The following RELN variants were observed in gnomAD, a reference collection of about 807,000 sequenced individuals.
The protein encoded by RELN is reelin.
RELN carries 108 observed loss-of-function variants against 427.6 expected under a neutral mutation model. The ratio of observed to expected loss-of-function variants is 0.25; its 90% CI spans 0.22 to 0.30. The LOEUF (loss-of-function observed/expected upper bound fraction) is 0.30. Among genes scored for constraint, RELN ranks in the 10% least tolerant of loss-of-function variants. RELN has a pLI of 1.00. For missense variants in RELN, 3,715 were observed against 4,302.8 expected (o/e 0.86, Z 3.82); for synonymous variants, 1,524 against 1,513.4 (o/e 1.01, Z -0.16).
chr7:103,647,549 CTG>C (rs1832822730), intron 16 of RELN, among the ~76,000 whole-genome samples: 2 of 135,766 alleles, frequency 1.5e-5, no homozygotes, highest in South Asian at 2.4e-4. Flanking sequence ...AAAAAAAAAA[CTG>C]TAGGACAAAA....
chr7:103,939,020 C>A (rs180960287), intron 1 of RELN, among the ~76,000 whole-genome samples: 27 of 151,860 alleles, frequency 1.8e-4, no homozygotes, highest in Non-Finnish European at 4.0e-4. Context: ...AGTCTCGGCT[C>A]AATGCAACCT....
chr7:103,864,447 G>A (rs564569825), intron 2 of RELN, among the ~76,000 whole-genome samples: 107 of 152,146 alleles, frequency 7.0e-4, no homozygotes, highest in African/African-American at 2.3e-3. Context: ...AACAGCAACC[G>A]TTTCCCCCTC....
chr7:103,505,843 A>G (rs1829191380), intron 51 of RELN, among the ~76,000 whole-genome samples: 1 of 152,222 alleles, frequency 6.6e-6, no homozygotes, highest in South Asian at 2.1e-4. Context: ...AGAACCTTGA[A>G]AAAAGGTTAG....
At position 103,603,277 on chromosome 7, in the gene RELN, A is replaced by ATG. The variant is rs764970336; in HGVS notation, c.3333+25_3333+26dup. The ATG allele has an allele frequency of 6.3e-7, 1 of 1,589,572 alleles. No homozygotes were observed. Among genetic ancestry groups the ATG allele is most frequent in the Non-Finnish European group, 8.6e-7 (1 of 1,157,726 alleles). On this transcript the variant is annotated intron_variant, in intron 24 of 64. Coordinates refer to ENST00000428762, the MANE Select transcript of RELN (RefSeq NM_005045.4). This position sits in a 1 kb window ranked among gnomAD's most constrained non-coding sequence, Gnocchi z 4.3. The stretch of plus-strand genomic sequence containing the variant: ...TCATATTAAACTAGCCATTGCCCCG[A>ATG]TGACTTATCCCAGCTGTTGGTCATA...
chr7:103,758,756 TATG>T (rs1383577477), intron 4 of RELN, among the ~76,000 whole-genome samples: 2 of 150,662 alleles, frequency 1.3e-5, no homozygotes, highest in African/African-American at 4.9e-5. Context: ...AATGTGTACT[TATG>T]ATTTCTTTTC....
At chr7:103,722,087 T>C (rs1490549783) in intron 8 of RELN, among the ~76,000 whole-genome samples, 2 of 152,220 alleles carry the variant, frequency 1.3e-5, no homozygotes, top group Non-Finnish European at 2.9e-5. Context: ...GTCTGTAAAT[T>C]GTTGTAGGTA....
intron 4 of RELN, among the ~76,000 whole-genome samples, chr7:103,757,646 G>A (rs1315293174): frequency 6.6e-6 from 1 of 152,182 alleles, no homozygotes; most frequent in Non-Finnish European, 1.5e-5. Context: ...TAACAGAAGT[G>A]TAAAAAGATA....
intron 10 of RELN, among the ~76,000 whole-genome samples, chr7:103,694,280 C>A (rs750356249): frequency 1.2e-4 from 18 of 152,112 alleles, no homozygotes; most frequent in Non-Finnish European, 1.8e-4. Context: ...CTTGTGACAG[C>A]AAAGCTATGT....
At chr7:103,651,190 G>C (rs187985285) in intron 15 of RELN, among the ~76,000 whole-genome samples, 1 of 151,934 alleles carries the variant, frequency 6.6e-6, no homozygotes. Context: ...CTGTAATGTG[G>C]CAAGTATTTT....
rs1833135267 is a variant in RELN, at chr7:103,661,356, G to C, written c.1441+20C>G. On this transcript the variant is annotated intron_variant, in intron 12 of 64. Transcript: ENST00000428762. ...TAGGATTTGCCCCACGGTGAACAAA[G>C]TTTGTGAAAATGTACTTACCCATCA... 6.2e-7 allele frequency: 1 copy of C among 1,613,118 alleles called. No individual in the cohort carries two copies. Among genetic ancestry groups the C allele is most frequent in the Non-Finnish European group, 8.5e-7 (1 of 1,179,206 alleles).
intron 16 of RELN, among the ~76,000 whole-genome samples, chr7:103,647,937 A>G (rs1832831676): frequency 6.6e-6 from 1 of 152,104 alleles, no homozygotes; most frequent in South Asian, 2.1e-4. Context: ...TATTCAAAAA[A>G]ACATACACTA....
intron 1 of RELN, among the ~76,000 whole-genome samples, chr7:103,967,967 G>T (rs985424893): frequency 6.6e-6 from 1 of 150,462 alleles, no homozygotes; most frequent in Non-Finnish European, 1.5e-5. Context: ...ATTTCCTTTG[G>T]GTTTGATTTT....
intron 2 of RELN, among the ~76,000 whole-genome samples, chr7:103,895,995 T>A (rs569186922): frequency 6.6e-6 from 1 of 152,170 alleles, no homozygotes; most frequent in East Asian, 1.9e-4. Flanking sequence ...TACTCAATAA[T>A]AAAAAGACAA....
At chr7:103,769,010 T>C (rs546209303) in intron 4 of RELN, among the ~76,000 whole-genome samples, 7 of 152,186 alleles carry the variant, frequency 4.6e-5, no homozygotes, top group Non-Finnish European at 8.8e-5. Context: ...TTTTAAAAAA[T>C]TAAACATTCA....
rs1394752637 is a variant in RELN at position 103,594,324 on chromosome 7, A to C, written c.3708T>G (p.Pro1236=). 3.7e-6 allele frequency: 6 copies of C among 1,613,384 alleles called. No homozygotes were observed. The Admixed American group carries it at 1.0e-4, about 27-fold the overall frequency. ...QIIPVINPTL[P]QNFYEKPAFD... The stretch of plus-strand genomic sequence containing the variant: ...GAGTTCAGACATAGGAGAATACCTG[A>C]GGTAAAGTTGGATTGATAACTGGGA... The change falls in exon 26 of 65, where the codon CCT becomes CCG. Residue 1236 remains proline (P), a synonymous_variant. Transcript: ENST00000428762.
chr7:103,821,928 A>G (rs1226024388), intron 3 of RELN, among the ~76,000 whole-genome samples: 1 of 152,140 alleles, frequency 6.6e-6, no homozygotes, highest in East Asian at 1.9e-4. Flanking sequence ...AAATACATGG[A>G]GGAGATTTGA....
intron 2 of RELN, among the ~76,000 whole-genome samples, chr7:103,875,209 A>C (rs1794450152): frequency 6.8e-6 from 1 of 146,438 alleles, no homozygotes; most frequent in African/African-American, 2.5e-5. Flanking sequence ...AAATCAATTC[A>C]AGATGGATTA....
At chr7:103,845,462 C>G (rs111870738) in intron 2 of RELN, among the ~76,000 whole-genome samples, 10 of 152,136 alleles carry the variant, frequency 6.6e-5, no homozygotes, top group African/African-American at 2.4e-4. Flanking sequence ...ATTACAGGCA[C>G]GAGCCAAGGC....
intron 3 of RELN, among the ~76,000 whole-genome samples, chr7:103,816,021 G>T (rs1792860366): frequency 6.6e-6 from 1 of 152,120 alleles, no homozygotes; most frequent in Non-Finnish European, 1.5e-5. Context: ...ACTTCTGATT[G>T]CTCTAGAGTT....
Sources: gnomAD v4.1 joint callset for allele counts (sites outside exome capture counted in the v4.1 genomes callset) on GRCh38, gnomAD v4.1.1 for gene constraint, Gnocchi (gnomAD v3.1) non-coding constraint, MANE v1.5 for transcripts, NCBI Gene and HGNC (gene_info 2026-07-23, HGNC 2026-07-21) for gene names.